PCED1B: variants seen among roughly 807,000 people sequenced by gnomAD.
PCED1B encodes PC-esterase domain-containing protein 1B.
For missense variants in PCED1B, 573 were observed against 573.9 expected, an observed-to-expected ratio of 1.00 and a Z score of 0.02; for synonymous variants, 251 against 246.1, an observed-to-expected ratio of 1.02 and a Z score of -0.19.
chr12:47,219,193 G>T (rs1308685546), intron 3 of PCED1B, among the ~76,000 whole-genome samples: 4 of 151,980 alleles, frequency 2.6e-5, no homozygotes, highest in African/African-American at 9.7e-5. Context: ...ATTACACATA[G>T]AATTTAAATA....
At chr12:47,098,632 G>A (rs547903631) in intron 1 of PCED1B, among the ~76,000 whole-genome samples, 11 of 152,188 alleles carry the variant, frequency 7.2e-5, no homozygotes, top group Non-Finnish European at 1.5e-4. Flanking sequence ...ACAGGCGCCC[G>A]CCACCACGCC....
intron 2 of PCED1B, among the ~76,000 whole-genome samples, chr12:47,179,559 A>G (rs1370445975): frequency 6.6e-6 from 1 of 152,224 alleles, no homozygotes; most frequent in Middle Eastern, 3.2e-3. Flanking sequence ...ACTTTAAAAA[A>G]CAACTGCTCT....
Position 47,192,010 on chromosome 12 carries a change from A to G in PCED1B, c.-525-24212A>G, listed in dbSNP as rs866094168. 3.3e-5 allele frequency among the ~76,000 whole-genome samples: 5 copies of G among 152,218 alleles called. No individual in the cohort carries two copies. The South Asian group carries it at 8.3e-4, about 25-fold the overall frequency. ...GTACATCCTCATTAACTCCAACTCA[A>G]TAGAACACCAATTTAATTTGCCTCC... On this transcript the variant is annotated intron_variant, in intron 2 of 3. Coordinates refer to ENST00000546455, the MANE Select transcript of PCED1B (RefSeq NM_138371.3).
chr12:47,227,900 G>A (rs1943682094), intron 3 of PCED1B, among the ~76,000 whole-genome samples: 1 of 152,082 alleles, frequency 6.6e-6, no homozygotes, highest in Admixed American at 6.5e-5. Context: ...TCAGATATTG[G>A]CCCTGAGCTC....
chr12:47,083,225 T>C (rs1302926710), intron 1 of PCED1B, among the ~76,000 whole-genome samples: 1 of 152,082 alleles, frequency 6.6e-6, no homozygotes, highest in African/African-American at 2.4e-5. Flanking sequence ...AATTAACACT[T>C]CAATAGCACT....
At chr12:47,129,069 C>T (rs530395878) in intron 2 of PCED1B, among the ~76,000 whole-genome samples, 8 of 152,312 alleles carry the variant, frequency 5.3e-5, no homozygotes, top group African/African-American at 1.9e-4. Flanking sequence ...TTTCATTGTT[C>T]CTGCCTTAAC....
intron 1 of PCED1B, among the ~76,000 whole-genome samples, chr12:47,100,369 A>G (rs1938649540): frequency 6.6e-6 from 1 of 152,222 alleles, no homozygotes; most frequent in African/African-American, 2.4e-5. Flanking sequence ...CTAATGTAGA[A>G]ACCAACTGAA....
At chr12:47,110,075 G>A (rs1313552639) in intron 2 of PCED1B, among the ~76,000 whole-genome samples, 1 of 152,206 alleles carries the variant, frequency 6.6e-6, no homozygotes, top group Non-Finnish European at 1.5e-5. Context: ...TGGCTTGGAA[G>A]ATGTTTGTTA....
intron 2 of PCED1B, among the ~76,000 whole-genome samples, chr12:47,132,777 G>A (rs566613237): frequency 6.6e-6 from 1 of 152,188 alleles, no homozygotes; most frequent in Non-Finnish European, 1.5e-5. Flanking sequence ...TCTGAGGCAG[G>A]AGAGTAATGT....
At chr12:47,222,121 A>T (rs1257781726) in intron 3 of PCED1B, among the ~76,000 whole-genome samples, 22,623 of 140,260 alleles carry the variant, frequency 0.16, 2,127 homozygotes, top group South Asian at 0.29. Flanking sequence ...AAAATTAAAA[A>T]AAAAAAAAAA....
intron 1 of PCED1B, among the ~76,000 whole-genome samples, chr12:47,085,967 T>C (rs1461415030): frequency 6.6e-6 from 1 of 152,226 alleles, no homozygotes; most frequent in African/African-American, 2.4e-5. Context: ...ATAATTGCTG[T>C]CCTGCTTTAG....
chr12:47,197,479 G>A (rs769896457), intron 2 of PCED1B, among the ~76,000 whole-genome samples: 43 of 151,228 alleles, frequency 2.8e-4, no homozygotes, highest in Non-Finnish European at 5.8e-4. Context: ...ATTGTGCTGG[G>A]TGCCTGTAAT....
In PCED1B at chr12:47,235,962, G is replaced by T; in HGVS notation, c.899G>T (p.Arg300Leu). 2.6e-6 allele frequency: 4 copies of T among 1,554,812 alleles called. No individual in the cohort carries two copies. The highest frequency in any genetic ancestry group is 2.6e-6 in the Non-Finnish European group (3 of 1,150,912). Residue 300 changes from arginine (R) to leucine (L), a missense_variant, in exon 4 of 4, where the codon CGC becomes CTC. Arg to Leu is a moderately radical substitution (Grantham distance 102). Transcript: ENST00000546455. ...LSPPLPSPTY[R>L]PLLGFPPQRL... ...CCACCCTTACCTTCCCCCACATACC[G>T]CCCCCTGCTTGGGTTCCCACCCCAG...
chr12:47,157,391 G>A (rs182417079), intron 2 of PCED1B, among the ~76,000 whole-genome samples: 2 of 152,228 alleles, frequency 1.3e-5, no homozygotes, highest in African/African-American at 4.8e-5. Context: ...GAGGTCAAGA[G>A]TAGTCTGGTC....
chr12:47,093,415 A>ACAACTGACTTTG (rs745384712), intron 1 of PCED1B, among the ~76,000 whole-genome samples: 28 of 151,452 alleles, frequency 1.8e-4, no homozygotes, highest in Non-Finnish European at 4.0e-4. Context: ...ATGTTTTTAA[A>ACAACTGACTTTG]CAACTGACTT....
rs373997533 is a variant in PCED1B at position 47,101,813 on chromosome 12, G to A, written c.-608-2300G>A. ...AATACAAAATTAGCTGGGCGTGGTG[G>A]TGCATGCCTGTAATCCCAGCTACCG... On this transcript the variant is annotated intron_variant, in intron 1 of 3. Transcript: ENST00000546455. Among the ~76,000 whole-genome samples, 181 of 152,164 alleles carry A rather than the reference G, an allele frequency of 1.2e-3. 2 individuals are homozygous for A. In the South Asian group the frequency reaches 0.037, roughly 31 times the overall value.
intron 1 of PCED1B, among the ~76,000 whole-genome samples, chr12:47,096,916 T>C (rs1330174355): frequency 6.6e-6 from 1 of 152,236 alleles, no homozygotes; most frequent in African/African-American, 2.4e-5. Context: ...TAAGACTGTA[T>C]AAGATTGCTT....
intron 2 of PCED1B, among the ~76,000 whole-genome samples, chr12:47,203,131 G>A (rs769120924): frequency 5.3e-5 from 8 of 151,622 alleles, no homozygotes; most frequent in South Asian, 2.1e-4. Context: ...CACCATGCCC[G>A]GCTAATTTTT....
At chr12:47,224,552 C>A (rs944890725) in intron 3 of PCED1B, among the ~76,000 whole-genome samples, 2 of 152,166 alleles carry the variant, frequency 1.3e-5, no homozygotes, top group African/African-American at 4.8e-5. Context: ...CACAGTGATT[C>A]CTTCCTCCAC....
Sources: allele counts gnomAD v4.1 joint callset (sites outside exome capture counted in the v4.1 genomes callset), GRCh38; gene constraint gnomAD v4.1.1; transcripts MANE v1.5; gene names NCBI Gene and HGNC (gene_info 2026-07-23, HGNC 2026-07-21).